Variants in PCM1 observed in about 807,000 individuals in gnomAD.
PCM1 encodes pericentriolar material 1.
PCM1 carries 157 observed loss-of-function variants against 241.9 expected under a neutral mutation model. The ratio of observed to expected loss-of-function variants is 0.65; its 90% CI spans 0.57 to 0.74. The LOEUF is 0.74. Ranked by LOEUF, PCM1 falls within the 30% of genes least tolerant of loss-of-function variation. The pLI, the probability that PCM1 is intolerant of heterozygous loss-of-function variation, is 0.00. For missense variants in PCM1, 3,478 were observed against 2,360.1 expected, an observed-to-expected ratio of 1.47 and a Z score of -9.81; for synonymous variants, 1,085 against 784.9, an observed-to-expected ratio of 1.38 and a Z score of -6.39.
At chr8:18,015,752 T>C (rs1484588072) in intron 36 of PCM1, 1 of 152,218 alleles carries the variant, frequency 6.6e-6, no homozygotes, top group African/African-American at 2.4e-5. Flanking sequence ...AGACCCCCTG[T>C]GGCCTCTGGA....
At chr8:18,022,318 T>G (rs949225488) in intron 36 of PCM1, among the ~76,000 whole-genome samples, 8 of 152,222 alleles carry the variant, frequency 5.3e-5, no homozygotes, top group Non-Finnish European at 8.8e-5. Context: ...GGTTTTGCAT[T>G]AACACAAAAT....
Position 17,957,347 on chromosome 8 carries a change from C to A in PCM1, c.1730C>A (p.Thr577Lys). 6.2e-7 allele frequency: 1 copy of A among 1,611,202 alleles called. No homozygotes were observed. Among genetic ancestry groups the A allele is most frequent in the East Asian group, 2.2e-5 (1 of 44,860 alleles). ...GTTTCTAATAATAGAGATGGGCGAA[C>A]AGTTAATTCTAATTGTGAAATTAAC... Reference protein sequence around the residue: ...QCVSNNRDGRTVNSNCEINNR... With the variant: ...QCVSNNRDGRKVNSNCEINNR... The change falls in exon 12 of 39, where the codon ACA (threonine) becomes AAA (lysine). Residue 577 changes from threonine (T) to lysine (K), a missense_variant. Physicochemically the swap from Thr to Lys is moderately conservative, Grantham distance 78. Coordinates refer to ENST00000325083, the MANE Select transcript of PCM1 (RefSeq NM_006197.4).
intron 34 of PCM1, among the ~76,000 whole-genome samples, 173 bp downstream of exon 34, chr8:18,012,000 TG>T (rs2092584474): frequency 6.6e-6 from 1 of 152,178 alleles, no homozygotes; most frequent in African/African-American, 2.4e-5. Context: ...TTTTTATGAT[TG>T]TTTTTTAGAG....
At chr8:17,959,272 GTAAT>G (rs1461710464) in intron 13 of PCM1, among the ~76,000 whole-genome samples, 2 of 151,446 alleles carry the variant, frequency 1.3e-5, no homozygotes, top group Non-Finnish European at 2.9e-5. Context: ...ATAATTATAA[GTAAT>G]TAAGAAACAC....
At chr8:17,995,134 T>C (rs2086213094) in intron 29 of PCM1, among the ~76,000 whole-genome samples, 1 of 151,492 alleles carries the variant, frequency 6.6e-6, no homozygotes, top group Non-Finnish European at 1.5e-5. Flanking sequence ...CCCCACTGTT[T>C]TCATATAATA....
At position 17,977,282 on chromosome 8, in the gene PCM1, T is replaced by G. The variant is rs150702739; in HGVS notation, c.3944-3309T>G. Among the ~76,000 whole-genome samples, 676 of 152,298 alleles carry G rather than the reference T, an allele frequency of 4.4e-3. 2 individuals are homozygous for G. Among genetic ancestry groups the G allele is most frequent in the Non-Finnish European group, 6.8e-3 (460 of 68,020 alleles). Reference sequence around the variant, plus strand: ...AAGAGGTCTCTCTTTTCAGTAAATTTCATGCAGACTCGGTGGCAGAGGCTA... The same window carrying G: ...AAGAGGTCTCTCTTTTCAGTAAATTGCATGCAGACTCGGTGGCAGAGGCTA... On this transcript the variant is annotated intron_variant, in intron 23 of 38. Transcript: ENST00000325083.
Position 18,028,125 on chromosome 8 carries a change from T to A in PCM1, c.*463T>A, listed in dbSNP as rs532655180. 5.0e-6 allele frequency: 1 copy of A among 200,420 alleles called. No individual in the cohort carries two copies. The highest frequency in any genetic ancestry group is 1.9e-4 in the South Asian group (1 of 5,246). The allele number at this position is 200,420 out of a possible 1,614,324, so 12.4% of individuals were successfully genotyped here. ...TCCATTAGGCCAGTCTTCCAACTAA[T>A]GCCAGTGTTGCTGCTGTTGGGTCTG... On this transcript the variant is annotated 3_prime_UTR_variant, in exon 39 of 39. Transcript: ENST00000325083.
intron 31 of PCM1, among the ~76,000 whole-genome samples, chr8:18,010,174 C>T (rs2092269184): frequency 6.6e-6 from 1 of 152,160 alleles, no homozygotes; most frequent in Non-Finnish European, 1.5e-5. Flanking sequence ...TTTTACCTCC[C>T]TGTAGTTTGT....
intron 36 of PCM1, among the ~76,000 whole-genome samples, chr8:18,019,434 G>A (rs2093583399): frequency 6.6e-6 from 1 of 152,012 alleles, no homozygotes; most frequent in Non-Finnish European, 1.5e-5. Flanking sequence ...TTACATTTTT[G>A]TATATTTTAT....
At chr8:17,977,610 A>G (rs1480374952) in intron 23 of PCM1, among the ~76,000 whole-genome samples, 1 of 151,972 alleles carries the variant, frequency 6.6e-6, no homozygotes, top group Non-Finnish European at 1.5e-5. Flanking sequence ...CCTGTTATTA[A>G]CCCTTCCCCT....
chr8:17,972,753 A>G (rs2077258339), intron 23 of PCM1, 66 bp downstream of exon 23: 1 of 948,822 alleles, frequency 1.1e-6, no homozygotes, highest in Non-Finnish European at 1.5e-6. Context: ...TGACATGTTG[A>G]CATAGATATA....
intron 6 of PCM1, among the ~76,000 whole-genome samples, chr8:17,941,261 G>C (rs955271307): frequency 3.9e-5 from 6 of 152,168 alleles, no homozygotes; most frequent in Non-Finnish European, 5.9e-5. Context: ...TGTTGGGGAG[G>C]AGTGGGAACT....
rs970104983 is a variant in PCM1, at chr8:17,988,846, C to T, written c.4411-1013C>T. Among the ~76,000 whole-genome samples the T allele has an allele frequency of 3.3e-5, 5 of 152,072 alleles. No individual in the cohort carries two copies. The South Asian group carries it at 6.2e-4, about 19-fold the overall frequency. On this transcript the variant is annotated intron_variant, in intron 26 of 38. Transcript: ENST00000325083. ...GTGAGAATGTGGAACAGTTGGAACT[C>T]TCACAGTCCTTATGAGAATGTAAAA...
intron 35 of PCM1, 70 bp downstream of exon 35, chr8:18,014,106 A>AC: frequency 1.2e-6 from 1 of 841,382 alleles, no homozygotes; most frequent in Non-Finnish European, 1.9e-6. Context: ...AAAAAAAAAA[A>AC]AAAAACACAC....
intron 8 of PCM1, among the ~76,000 whole-genome samples, chr8:17,952,458 A>C (rs528417640): frequency 1.1e-3 from 161 of 152,262 alleles, no homozygotes; most frequent in African/African-American, 3.9e-3. Context: ...ATGTGTCTCT[A>C]AAACTATGTA....
intron 5 of PCM1, 101 bp from the exon 6 acceptor site, chr8:17,939,590 G>A (rs1255065019): frequency 1.2e-5 from 7 of 560,342 alleles, no homozygotes; most frequent in South Asian, 4.7e-5. Context: ...GGTTATCTTC[G>A]AAATAAAAAT....
At chr8:17,982,374 T>A (rs2081154656) in intron 24 of PCM1, among the ~76,000 whole-genome samples, 1 of 152,184 alleles carries the variant, frequency 6.6e-6, no homozygotes, top group Non-Finnish European at 1.5e-5. Context: ...TAATTGGACA[T>A]AGTACTTCAG....
At chr8:17,948,278 G>A in intron 7 of PCM1, among the ~76,000 whole-genome samples, 1 of 136,452 alleles carries the variant, frequency 7.3e-6, no homozygotes, top group South Asian at 2.5e-4. Flanking sequence ...GGAACGTTAT[G>A]ACTTTCAAAT....
At position 17,962,187 on chromosome 8, in the gene PCM1, G is replaced by C. The variant is rs1372545925; in HGVS notation, c.2463+13G>C. On this transcript the variant is annotated intron_variant, in intron 16 of 38. Transcript: ENST00000325083. Reference sequence around the variant, plus strand: ...AGTAGATAATGAGGTATTGTAAATTGTACTCTCTTGTTCCTGAGTTAGTCT... The same window carrying C: ...AGTAGATAATGAGGTATTGTAAATTCTACTCTCTTGTTCCTGAGTTAGTCT... 1 of 1,589,444 alleles carries C rather than the reference G, an allele frequency of 6.3e-7. No homozygotes were observed. The highest frequency in any genetic ancestry group is 8.6e-7 in the Non-Finnish European group (1 of 1,165,896).
Sources: allele counts gnomAD v4.1 joint callset (sites outside exome capture counted in the v4.1 genomes callset), GRCh38; gene constraint gnomAD v4.1.1; transcripts MANE v1.5; gene names NCBI Gene and HGNC (gene_info 2026-07-23, HGNC 2026-07-21).